ARID3A: variants seen among roughly 807,000 people sequenced by gnomAD.
ARID3A encodes the protein AT-rich interaction domain 3A.
A neutral mutation model predicts 52.7 loss-of-function variants in ARID3A; 11 were observed. The ratio of observed to expected loss-of-function variants is 0.21; its 90% CI spans 0.13 to 0.35. The LOEUF (loss-of-function observed/expected upper bound fraction) is 0.35, where lower values mean the gene tolerates loss of function less well. Among genes scored for constraint, ARID3A ranks in the 10% least tolerant of loss-of-function variants. ARID3A has a pLI of 1.00. For missense variants in ARID3A, 721 were observed against 838.5 expected, an observed-to-expected ratio of 0.86 and a Z score of 1.73; for synonymous variants, 404 against 359.4, an observed-to-expected ratio of 1.12 and a Z score of -1.40.
At position 932,428 on chromosome 19, in the gene ARID3A, TGGG is replaced by T; in HGVS notation, c.380_382del (p.Trp127_Glu128delinsTer). 6.3e-7 allele frequency: 1 copy of T among 1,592,018 alleles called. No homozygotes were observed. Among genetic ancestry groups the T allele is most frequent in the Non-Finnish European group, 8.5e-7 (1 of 1,174,290 alleles). On this transcript the variant is annotated stop_gained and inframe_deletion, in exon 3 of 9. Coordinates refer to ENST00000263620, the MANE Select transcript of ARID3A (RefSeq NM_005224.3). LOFTEE classifies it high-confidence loss of function. ...CTCTGCTCACCCCAGGAAGCCCAAA[TGGG>T]AGGAGGAGGAGATGGAGGAAGACCT...
At chr19:966,941 T>G in intron 7 of ARID3A, 73 bp downstream of exon 7, 1 of 1,468,098 alleles carries the variant, frequency 6.8e-7, no homozygotes, top group East Asian at 2.3e-5. Flanking sequence ...AGCCTACATA[T>G]GTAAAGAGTG....
intron 3 of ARID3A, among the ~76,000 whole-genome samples, chr19:946,153 C>T (rs2037674872): frequency 6.6e-6 from 1 of 152,092 alleles, no homozygotes; most frequent in South Asian, 2.1e-4. Flanking sequence ...CAGAACGCCC[C>T]GGCCGCGTGG....
chr19:940,865 A>G (rs1239658263), intron 3 of ARID3A, among the ~76,000 whole-genome samples: 1 of 151,848 alleles, frequency 6.6e-6, no homozygotes, highest in African/African-American at 2.4e-5. Context: ...CGCCCGCCTC[A>G]TCAAAGCCAC....
chr19:939,124 TATTA>T lies in ARID3A; in HGVS notation c.693+6383_693+6386del, dbSNP rs140326641. 7.8e-3 allele frequency among the ~76,000 whole-genome samples: 1,133 copies of T among 145,406 alleles called. 15 individuals carry two copies. Among genetic ancestry groups the T allele is most frequent in the African/African-American group, 0.029 (1,096 of 37,958 alleles). On this transcript the variant is annotated intron_variant, in intron 3 of 8. Coordinates refer to ENST00000263620, the MANE Select transcript of ARID3A (RefSeq NM_005224.3). Reference sequence around the variant, plus strand: ...TTATTTATTTATTTATTTATTTATTTATTATTATTATTTTAGACGGAGTCTTGCT... The same window carrying T: ...TTATTTATTTATTTATTTATTTATTTTTATTATTTTAGACGGAGTCTTGCT...
At position 936,714 on chromosome 19, in the gene ARID3A, C is replaced by A. The variant is rs533313219; in HGVS notation, c.693+3972C>A. ...AAAATTAGCCGGGCGTGGCAGCACGCGCCTGTAGTCCCAGCTACTTGGGAG... is the reference window on the plus strand; with the variant it reads ...AAAATTAGCCGGGCGTGGCAGCACGAGCCTGTAGTCCCAGCTACTTGGGAG... On this transcript the variant is annotated intron_variant, in intron 3 of 8. Coordinates refer to ENST00000263620, the MANE Select transcript of ARID3A (RefSeq NM_005224.3). Among the ~76,000 whole-genome samples, 9 of 152,178 alleles carry A rather than the reference C, an allele frequency of 5.9e-5. No homozygotes were observed. The South Asian group carries it at 1.2e-3, about 21-fold the overall frequency.
chr19:966,127 C>A (rs537726344), intron 6 of ARID3A, among the ~76,000 whole-genome samples: 40 of 151,386 alleles, frequency 2.6e-4, no homozygotes, highest in African/African-American at 9.5e-4. Flanking sequence ...CGCCACTGCC[C>A]TCCAGCCTAA....
At chr19:958,345 G>A (rs1194328935) in intron 3 of ARID3A, among the ~76,000 whole-genome samples, 3 of 142,362 alleles carry the variant, frequency 2.1e-5, no homozygotes, top group African/African-American at 2.8e-5. Flanking sequence ...GGAGAATGGC[G>A]TGAACCCGGG....
Position 966,890 on chromosome 19 carries a change from C to G in ARID3A, c.1495+22C>G, listed in dbSNP as rs780823503. 3.2e-6 allele frequency: 5 copies of G among 1,582,868 alleles called. No individual in the cohort carries two copies. In the East Asian group the frequency reaches 6.8e-5, roughly 21 times the overall value. On this transcript the variant is annotated intron_variant, in intron 7 of 8. Coordinates refer to ENST00000263620, the MANE Select transcript of ARID3A (RefSeq NM_005224.3). ...CAAGGTACTGCCCTCGTGCCCAGAC[C>G]CGCTGTGCTTCCTGCGTGTGTCACA...
chr19:974,570 G>T lies in ARID3A; in HGVS notation c.*2505G>T, dbSNP rs2038342815. 1 of 230,262 alleles carries T rather than the reference G, an allele frequency of 4.3e-6. No individual in the cohort carries two copies. Among genetic ancestry groups the T allele is most frequent in the East Asian group, 6.1e-5 (1 of 16,264 alleles). 14.3% of individuals were successfully genotyped at this position (230,262 alleles called of 1,614,324 possible). A position where few individuals can be genotyped will look rare whatever the true frequency, so the allele number is the denominator to read the frequency against. ...TGATGCCAAAATCTGAGCCCCTGGGGTGCCTCTCCCCCGCCTCCCGTGCAC... is the reference window on the plus strand; with the variant it reads ...TGATGCCAAAATCTGAGCCCCTGGGTTGCCTCTCCCCCGCCTCCCGTGCAC... On this transcript the variant is annotated 3_prime_UTR_variant, in exon 9 of 9. Transcript: ENST00000263620.
At position 947,034 on chromosome 19, in the gene ARID3A, G is replaced by A. The variant is rs1359871167; in HGVS notation, c.694-13058G>A. Among the ~76,000 whole-genome samples, 1 of 150,624 alleles carries A rather than the reference G, an allele frequency of 6.6e-6. No individual in the cohort carries two copies. The highest frequency in any genetic ancestry group is 1.5e-5 in the Non-Finnish European group (1 of 67,684). On this transcript the variant is annotated intron_variant, in intron 3 of 8. Transcript: ENST00000263620. This position sits in a 1 kb window ranked among gnomAD's most constrained non-coding sequence, Gnocchi z 6.3. Reference sequence around the variant, plus strand: ...GGTCTCAAACTCCTGGGCTCGAGCAGTCTGCCCACCTCGGCCTCCCACAGT... The same window carrying A: ...GGTCTCAAACTCCTGGGCTCGAGCAATCTGCCCACCTCGGCCTCCCACAGT...
In ARID3A at chr19:929,947, G is replaced by A; in HGVS notation, c.368+51G>A. The A allele has an allele frequency of 6.5e-7, 1 of 1,533,482 alleles. No individual in the cohort carries two copies. The highest frequency in any genetic ancestry group is 8.7e-7 in the Non-Finnish European group (1 of 1,145,294). The allele number at this position is 1,533,482 out of a possible 1,614,324, so 95.0% of individuals were successfully genotyped here. On this transcript the variant is annotated intron_variant, in intron 2 of 8. Coordinates refer to ENST00000263620, the MANE Select transcript of ARID3A (RefSeq NM_005224.3). This position sits in a 1 kb window ranked among gnomAD's most constrained non-coding sequence, Gnocchi z 6.2. ...TTCTGGGGGCTGTTACTGGCTCTGA[G>A]TGTCACTCTGCTCATCTGCAGAATG...
chr19:931,820 AG>A (rs1413209020), intron 2 of ARID3A, among the ~76,000 whole-genome samples: 1 of 149,500 alleles, frequency 6.7e-6, no homozygotes, highest in Non-Finnish European at 1.5e-5. Context: ...CTCAAAAAAA[AG>A]ACAAAAAAAA....
In ARID3A at chr19:964,460, G is replaced by A. The variant is rs555935993; in HGVS notation, c.950+29G>A. 7.2e-5 allele frequency: 112 copies of A among 1,547,132 alleles called. No individual in the cohort carries two copies. The highest frequency in any genetic ancestry group is 4.0e-4 in the South Asian group (34 of 84,076). ...AGTGGCGGACGGTTGTGCCGAGGTC[G>A]GGCCAGGGCACTCTGAGCAGCCAGT... On this transcript the variant is annotated intron_variant, in intron 5 of 8. Coordinates refer to ENST00000263620, the MANE Select transcript of ARID3A (RefSeq NM_005224.3). This position sits in a 1 kb window ranked among gnomAD's most constrained non-coding sequence, Gnocchi z 5.7.
intron 2 of ARID3A, 40 bp from the exon 3 acceptor site, chr19:932,378 A>G (rs780655557): frequency 5.1e-6 from 8 of 1,579,790 alleles, no homozygotes; most frequent in Non-Finnish European, 6.8e-6. Context: ...GGGACGAGCC[A>G]GCACCTTCTC....
chr19:946,692 C>T (rs1476736360), intron 3 of ARID3A, among the ~76,000 whole-genome samples: 1 of 152,098 alleles, frequency 6.6e-6, no homozygotes, highest in Non-Finnish European at 1.5e-5. Flanking sequence ...CCGCCTGCCT[C>T]GGCCTCCCAA....
At chr19:926,426 G>T (rs1255885072) in intron 1 of ARID3A, among the ~76,000 whole-genome samples, 3 of 151,708 alleles carry the variant, frequency 2.0e-5, no homozygotes, top group Non-Finnish European at 4.4e-5. Flanking sequence ...GCGAGCAGGG[G>T]CGATCGGGGG....
At position 942,787 on chromosome 19, in the gene ARID3A, C is replaced by G. The variant is rs1340317225; in HGVS notation, c.693+10045C>G. The stretch of plus-strand genomic sequence containing the variant: ...ATGCCCAGCAGCCTCCTCTGCCACC[C>G]TCAGAGACGGAGAACGTGAGAGCAA... On this transcript the variant is annotated intron_variant, in intron 3 of 8. Transcript: ENST00000263620. The surrounding 1 kb of genome is among the most constrained non-coding windows in gnomAD (Gnocchi z 8.1). Among the ~76,000 whole-genome samples the G allele has an allele frequency of 6.6e-6, 1 of 152,196 alleles. No homozygotes were observed. Among genetic ancestry groups the G allele is most frequent in the East Asian group, 1.9e-4 (1 of 5,190 alleles).
rs930795789 is a variant in ARID3A at position 947,289 on chromosome 19, A to G, written c.694-12803A>G. ...GGCCAGTGCCCTCGGCGGAGACTCT[A>G]TTAGGGACTGCGGGCCCCAGATTTC... is the stretch of plus-strand genomic sequence containing the variant. On this transcript the variant is annotated intron_variant, in intron 3 of 8. Coordinates refer to ENST00000263620, the MANE Select transcript of ARID3A (RefSeq NM_005224.3). This position sits in a 1 kb window ranked among gnomAD's most constrained non-coding sequence, Gnocchi z 6.3. 5.9e-5 allele frequency among the ~76,000 whole-genome samples: 9 copies of G among 152,052 alleles called. No homozygotes were observed. Among genetic ancestry groups the G allele is most frequent in the African/African-American group, 1.4e-4 (6 of 41,392 alleles).
intron 8 of ARID3A, among the ~76,000 whole-genome samples, chr19:970,803 C>G (rs890384014): frequency 1.3e-5 from 2 of 152,056 alleles, no homozygotes; most frequent in Non-Finnish European, 2.9e-5. Context: ...AAAGTGGAGT[C>G]AGGCCGATGG....
Sources: allele counts gnomAD v4.1 joint callset (sites outside exome capture counted in the v4.1 genomes callset), GRCh38; gene constraint gnomAD v4.1.1; non-coding constraint Gnocchi (gnomAD v3.1); transcripts MANE v1.5; gene names NCBI Gene and HGNC (gene_info 2026-07-23, HGNC 2026-07-21).